Variants in TSHZ2 observed in about 807,000 individuals in gnomAD.
TSHZ2 encodes the protein teashirt zinc finger homeobox 2, also known as teashirt homolog 2.
A neutral mutation model predicts 74.4 loss-of-function variants in TSHZ2; 21 were observed. The observed-to-expected ratio is 0.28, with a 90% confidence interval of 0.20 to 0.41. TSHZ2 has a LOEUF of 0.41. TSHZ2 is among the 10% of genes least tolerant of loss of function. The pLI is 1.00. For missense variants in TSHZ2, 1,244 were observed against 1,293.5 expected, an observed-to-expected ratio of 0.96 and a Z score of 0.59; for synonymous variants, 540 against 515.3, an observed-to-expected ratio of 1.05 and a Z score of -0.65.
intron 1 of TSHZ2, among the ~76,000 whole-genome samples, chr20:53,179,856 C>T (rs1988429183): frequency 2.0e-5 from 3 of 152,180 alleles, no homozygotes; most frequent in Admixed American, 2.0e-4. Flanking sequence ...AAGAGATTCA[C>T]TAGAATTTAC....
intron 1 of TSHZ2, among the ~76,000 whole-genome samples, chr20:53,197,295 G>A (rs887863403): frequency 2.6e-5 from 4 of 152,186 alleles, no homozygotes; most frequent in Non-Finnish European, 4.4e-5. Context: ...TATAGCAATG[G>A]AATTATGATC....
chr20:53,210,179 G>A (rs1363486680), intron 1 of TSHZ2, among the ~76,000 whole-genome samples: 3 of 152,230 alleles, frequency 2.0e-5, no homozygotes, highest in Non-Finnish European at 2.9e-5. Flanking sequence ...GCAGGAGCCC[G>A]AGTGGGTGTG....
At chr20:52,983,557 A>C (rs1981645337) in intron 1 of TSHZ2, among the ~76,000 whole-genome samples, 1 of 152,196 alleles carries the variant, frequency 6.6e-6, no homozygotes, top group African/African-American at 2.4e-5. Flanking sequence ...AAGTATAAGG[A>C]TCTCTTTCAT....
intron 1 of TSHZ2, among the ~76,000 whole-genome samples, chr20:53,069,720 T>G (rs1178560397): frequency 2.9e-5 from 3 of 104,474 alleles, no homozygotes; most frequent in Non-Finnish European, 6.8e-5. Flanking sequence ...CGCTCAAGTT[T>G]CCATATAACG....
chr20:53,164,135 A>AT (rs550295899), intron 1 of TSHZ2, among the ~76,000 whole-genome samples: 29 of 147,966 alleles, frequency 2.0e-4, no homozygotes, highest in Middle Eastern at 7.1e-3. Flanking sequence ...TAGAGCTTCT[A>AT]TTTTTTTTTT....
chr20:53,248,263 C>T (rs1270588785), intron 1 of TSHZ2, among the ~76,000 whole-genome samples: 1 of 149,042 alleles, frequency 6.7e-6, no homozygotes, highest in Non-Finnish European at 1.5e-5. Flanking sequence ...TTTGTAGAAA[C>T]GGTCTAGCTA....
chr20:53,333,307 AG>A (rs1260325379), intron 2 of TSHZ2, among the ~76,000 whole-genome samples: 2 of 152,222 alleles, frequency 1.3e-5, no homozygotes, highest in Non-Finnish European at 2.9e-5. Context: ...GAGTTATAAA[AG>A]AGGCTAGATC....
At chr20:53,065,141 C>G (rs1321306651) in intron 1 of TSHZ2, among the ~76,000 whole-genome samples, 5 of 152,210 alleles carry the variant, frequency 3.3e-5, no homozygotes, top group Admixed American at 3.3e-4. Flanking sequence ...GATGATGCAA[C>G]ACACAATACC....
chr20:53,381,626 A>G (rs1568893204), intron 2 of TSHZ2, among the ~76,000 whole-genome samples: 1 of 152,162 alleles, frequency 6.6e-6, no homozygotes, highest in Non-Finnish European at 1.5e-5. Context: ...AAAATACCTC[A>G]GTTACTGCAG....
At chr20:53,178,305 A>G (rs1347958794) in intron 1 of TSHZ2, 1 of 152,198 alleles carries the variant, frequency 6.6e-6, no homozygotes, top group Non-Finnish European at 1.5e-5. Flanking sequence ...ATTTCTGTAG[A>G]AAGGCAGCAC....
At chr20:53,341,762 G>A (rs1384747020) in intron 2 of TSHZ2, among the ~76,000 whole-genome samples, 2 of 152,162 alleles carry the variant, frequency 1.3e-5, no homozygotes, top group Non-Finnish European at 2.9e-5. Flanking sequence ...CCAGGCTGGA[G>A]TGCAATGATG....
chr20:53,437,477 GAAAGAAAAGA>G (rs113738835), intron 2 of TSHZ2, among the ~76,000 whole-genome samples: 4 of 151,742 alleles, frequency 2.6e-5, no homozygotes, highest in African/African-American at 9.7e-5. Context: ...CATCTAAAAG[GAAAGAAAAGA>G]AAAGAAAAGA....
At chr20:53,021,639 G>A (rs566340910) in intron 1 of TSHZ2, among the ~76,000 whole-genome samples, 39 of 152,232 alleles carry the variant, frequency 2.6e-4, no homozygotes, top group African/African-American at 8.7e-4. Context: ...CCAGAAAAGC[G>A]TGATGTGGGA....
chr20:53,363,881 T>C (rs766006896), intron 2 of TSHZ2, among the ~76,000 whole-genome samples: 1 of 152,248 alleles, frequency 6.6e-6, no homozygotes, highest in Non-Finnish European at 1.5e-5. Flanking sequence ...AATCTCATTC[T>C]TTTATTTGAG....
rs372733601 is a variant in TSHZ2 at position 53,094,756 on chromosome 20, C to A, written c.40+121423C>A. The stretch of plus-strand genomic sequence containing the variant: ...AGACTCTTCACAAGATAGATGAAAC[C>A]TATGGCTCTCTGTACCTGTGCTTCC... On this transcript the variant is annotated intron_variant, in intron 1 of 2. Transcript: ENST00000371497. Among the ~76,000 whole-genome samples, 7 of 152,270 alleles carry A rather than the reference C, an allele frequency of 4.6e-5. No individual in the cohort carries two copies. The East Asian group carries it at 7.7e-4, about 17-fold the overall frequency.
chr20:53,306,630 G>A (rs1978557428), intron 2 of TSHZ2, among the ~76,000 whole-genome samples: 1 of 152,174 alleles, frequency 6.6e-6, no homozygotes, highest in East Asian at 1.9e-4. Flanking sequence ...CCGACATGGG[G>A]AACTTGCCAT....
intron 2 of TSHZ2, among the ~76,000 whole-genome samples, chr20:53,479,074 AG>A: frequency 6.6e-6 from 1 of 151,880 alleles, no homozygotes. Context: ...CTGAGGCAGG[AG>A]AATCACTTGA....
At chr20:53,140,312 G>T (rs1017947789) in intron 1 of TSHZ2, among the ~76,000 whole-genome samples, 5 of 151,882 alleles carry the variant, frequency 3.3e-5, no homozygotes, top group African/African-American at 9.6e-5. Flanking sequence ...AGGCTGAGGC[G>T]GGCAGATCAC....
intron 2 of TSHZ2, among the ~76,000 whole-genome samples, chr20:53,329,631 C>T (rs1166067879): frequency 7.8e-6 from 1 of 128,934 alleles, no homozygotes; most frequent in African/African-American, 3.1e-5. Flanking sequence ...TGCGTCTAGA[C>T]TAATTATATG....
Sources: allele counts gnomAD v4.1 joint callset (sites outside exome capture counted in the v4.1 genomes callset), GRCh38; gene constraint gnomAD v4.1.1; transcripts MANE v1.5; gene names NCBI Gene and HGNC (gene_info 2026-07-23, HGNC 2026-07-21).